RNF19B: variants seen among roughly 807,000 people sequenced by gnomAD.
The protein encoded by RNF19B is ring finger protein 19B.
RNF19B carries 23 observed loss-of-function variants against 65.5 expected under a neutral mutation model. The ratio of observed to expected loss-of-function variants is 0.35; its 90% CI spans 0.25 to 0.50. The LOEUF is 0.50. Among genes scored for constraint, RNF19B ranks in the 20% least tolerant of loss-of-function variants. The probability of loss-of-function intolerance (pLI) is 0.98; values close to 1 mark genes in which losing one functional copy is unlikely to be tolerated. For missense variants in RNF19B, 794 were observed against 980.0 expected (o/e 0.81, Z 2.53); for synonymous variants, 372 against 379.6 (o/e 0.98, Z 0.23).
chr1:32,941,474 A>C (rs1642228808), intron 7 of RNF19B, among the ~76,000 whole-genome samples: 2 of 152,190 alleles, frequency 1.3e-5, no homozygotes, highest in Admixed American at 6.5e-5. Context: ...CAGGAGGTGG[A>C]GGCTGCAGCG....
At chr1:32,935,204 G>C (rs986872324), downstream of RNF19B, among the ~76,000 whole-genome samples, 4 of 148,298 alleles carry the variant, frequency 2.7e-5, no homozygotes, top group Non-Finnish European at 4.5e-5. Flanking sequence ...AGTGGGTGAT[G>C]TCAGCTCACT....
intron 1 of RNF19B, among the ~76,000 whole-genome samples, chr1:32,960,116 AT>A (rs1193466637): frequency 3.3e-5 from 5 of 152,220 alleles, no homozygotes; most frequent in African/African-American, 1.2e-4. Context: ...TATGAATAAA[AT>A]AAAACCATAT....
At chr1:32,949,829 G>C in intron 1 of RNF19B, 55 bp from the exon 2 acceptor site, 1 of 1,370,816 alleles carries the variant, frequency 7.3e-7, no homozygotes, top group South Asian at 1.2e-5. Flanking sequence ...CTAACCAAAA[G>C]AGACATTATT....
downstream of RNF19B, among the ~76,000 whole-genome samples, chr1:32,936,068 G>C (rs1642092509): frequency 6.6e-6 from 1 of 152,152 alleles, no homozygotes; most frequent in South Asian, 2.1e-4. Context: ...TCTCTTAAGA[G>C]CTACCTGGGA....
At chr1:32,959,912 G>A (rs1184036331) in intron 1 of RNF19B, among the ~76,000 whole-genome samples, 3 of 151,292 alleles carry the variant, frequency 2.0e-5, no homozygotes, top group African/African-American at 4.9e-5. Context: ...TTAACCAGGC[G>A]TGGTGGTGGG....
chr1:32,943,119 C>G (rs554457888), intron 6 of RNF19B, among the ~76,000 whole-genome samples: 43 of 144,346 alleles, frequency 3.0e-4, no homozygotes, highest in Non-Finnish European at 4.7e-4. Context: ...CCAGCCTGGG[C>G]AACAGAGCAA....
Position 32,940,678 on chromosome 1 carries a change from C to T in RNF19B, c.1610+1574G>A, listed in dbSNP as rs1032154216. ...TTGGATAGCTGAAGGCAACCATCTC[C>T]TCTACCTTCCTATCCTGCTTTGTTC... On this transcript the variant is annotated intron_variant, in intron 7 of 8. Coordinates refer to ENST00000235150, the MANE Select transcript of RNF19B (RefSeq NM_001300826.2). Among the ~76,000 whole-genome samples the T allele has an allele frequency of 2.0e-5, 3 of 152,164 alleles. No individual in the cohort carries two copies. The East Asian group carries it at 5.8e-4, about 29-fold the overall frequency.
At chr1:32,952,869 C>T (rs920385196) in intron 1 of RNF19B, among the ~76,000 whole-genome samples, 2 of 147,664 alleles carry the variant, frequency 1.4e-5, no homozygotes, top group African/African-American at 5.0e-5. Flanking sequence ...GCCACGTTTG[C>T]GCCACTGCAC....
At chr1:32,958,544 G>A (rs1485565429) in intron 1 of RNF19B, among the ~76,000 whole-genome samples, 1 of 152,088 alleles carries the variant, frequency 6.6e-6, no homozygotes, top group Non-Finnish European at 1.5e-5. Flanking sequence ...GTAAAACCCC[G>A]TCTCTGCTAA....
chr1:32,946,270 TA>T, intron 4 of RNF19B, 131 bp downstream of exon 4: 1 of 688,818 alleles, frequency 1.5e-6, no homozygotes, highest in Non-Finnish European at 2.4e-6. Flanking sequence ...TTTAAGAAAG[TA>T]AGGTTATTTT....
chr1:32,945,493 G>A (rs751702823), intron 5 of RNF19B, 21 bp downstream of exon 5: 3 of 1,440,260 alleles, frequency 2.1e-6, no homozygotes, highest in Admixed American at 3.3e-5. Flanking sequence ...GAGAGAAGAG[G>A]TGTGGTCCTG....
At chr1:32,938,006 G>A (rs747302267) in intron 8 of RNF19B, among the ~76,000 whole-genome samples, 3 of 151,888 alleles carry the variant, frequency 2.0e-5, no homozygotes, top group Non-Finnish European at 4.4e-5. Flanking sequence ...TTCTCAAAAT[G>A]AAAGAGAAAG....
intron 2 of RNF19B, among the ~76,000 whole-genome samples, chr1:32,948,635 C>T (rs1190433443): frequency 6.6e-6 from 1 of 152,168 alleles, no homozygotes; most frequent in Non-Finnish European, 1.5e-5. Flanking sequence ...AAGGAGATTT[C>T]CTTAGGGAGA....
Position 32,945,636 on chromosome 1 carries a change from TAAA to T in RNF19B, c.1147-11_1147-9del. 1 of 1,563,174 alleles carries T rather than the reference TAAA, an allele frequency of 6.4e-7. No homozygotes were observed. The highest frequency in any genetic ancestry group is 8.8e-7 in the Non-Finnish European group (1 of 1,134,788). On this transcript the variant is annotated splice_polypyrimidine_tract_variant and intron_variant, in intron 4 of 8. Transcript: ENST00000235150. The stretch of plus-strand genomic sequence containing the variant: ...CTCATACCTGCTGTGAATCTAAGAA[TAAA>T]AAAAGAAAATCCAGGTCAGCAGGTT...
chr1:32,959,177 A>G (rs555233759), intron 1 of RNF19B, among the ~76,000 whole-genome samples: 1 of 152,284 alleles, frequency 6.6e-6, no homozygotes, highest in East Asian at 1.9e-4. Flanking sequence ...AATAGCTGAT[A>G]CTGTTTCCTG....
At chr1:32,959,277 C>G (rs1339043441) in intron 1 of RNF19B, among the ~76,000 whole-genome samples, 1 of 152,178 alleles carries the variant, frequency 6.6e-6, no homozygotes, top group African/African-American at 2.4e-5. Context: ...TAGGTCAAGA[C>G]AGCCTTATCC....
chr1:32,958,030 T>C (rs1030055032), intron 1 of RNF19B, among the ~76,000 whole-genome samples: 1 of 152,224 alleles, frequency 6.6e-6, no homozygotes, highest in African/African-American at 2.4e-5. Flanking sequence ...GGTTGGAATA[T>C]AGATATCCTA....
intron 1 of RNF19B, among the ~76,000 whole-genome samples, chr1:32,961,304 T>C (rs1352898653): frequency 6.6e-6 from 1 of 152,178 alleles, no homozygotes; most frequent in Non-Finnish European, 1.5e-5. Context: ...CTTAATGAAA[T>C]GCACCCAAGC....
chr1:32,931,367 G>C, the RNF19B span, among the ~76,000 whole-genome samples: 3 of 152,136 alleles, frequency 2.0e-5, no homozygotes, highest in African/African-American at 7.2e-5. Flanking sequence ...TAGCAAGGAG[G>C]GGTAGGGGGT....
Sources: allele counts gnomAD v4.1 joint callset (sites outside exome capture counted in the v4.1 genomes callset), GRCh38; gene constraint gnomAD v4.1.1; transcripts MANE v1.5; gene names NCBI Gene and HGNC (gene_info 2026-07-23, HGNC 2026-07-21).